Variants in PLEKHG4B observed in about 807,000 individuals in gnomAD.
PLEKHG4B encodes the protein pleckstrin homology domain-containing family G member 4B.
PLEKHG4B carries 111 observed loss-of-function variants against 121.3 expected under a neutral mutation model. That is an observed-to-expected ratio of 0.92 (90% CI 0.78 to 1.07). The LOEUF (loss-of-function observed/expected upper bound fraction) is 1.07. PLEKHG4B is among the 50% of genes least tolerant of loss of function. The pLI is 0.00. For missense variants in PLEKHG4B, 1,831 were observed against 1,757.8 expected, an observed-to-expected ratio of 1.04 and a Z score of -0.74; for synonymous variants, 738 against 725.0, an observed-to-expected ratio of 1.02 and a Z score of -0.29.
rs537791504 is a variant in PLEKHG4B at position 182,533 on chromosome 5, A to C, written c.*210A>C. ...TTTATAATTTTGTCTTATTTAAAAA[A>C]CAAACCTTCCACTTCCACCCAAGAC... On this transcript the variant is annotated 3_prime_UTR_variant, in exon 20 of 20. Coordinates refer to ENST00000637938, the MANE Select transcript of PLEKHG4B (RefSeq NM_052909.5). 1.2e-4 allele frequency: 69 copies of C among 585,756 alleles called. No homozygotes were observed. In the Middle Eastern group the frequency reaches 1.4e-3, roughly 12 times the overall value. The allele number at this position is 585,756 out of a possible 1,614,324, so 36.3% of individuals were successfully genotyped here.
At chr5:129,252 C>T (rs1321575647) in intron 2 of PLEKHG4B, among the ~76,000 whole-genome samples, 4 of 152,216 alleles carry the variant, frequency 2.6e-5, no homozygotes, top group African/African-American at 7.2e-5. Flanking sequence ...CCATCATTCT[C>T]ACTGAAGCCT....
At chr5:106,399 T>G (rs1401068210) in intron 1 of PLEKHG4B, among the ~76,000 whole-genome samples, 2 of 152,210 alleles carry the variant, frequency 1.3e-5, no homozygotes, top group Non-Finnish European at 2.9e-5. Context: ...ATTAAAATTT[T>G]ACTGTTTAGA....
chr5:121,186 G>A (rs1475518322), intron 2 of PLEKHG4B, among the ~76,000 whole-genome samples: 1 of 151,892 alleles, frequency 6.6e-6, no homozygotes, highest in African/African-American at 2.4e-5. Context: ...GGTGGAGCTT[G>A]CAGTGAGCCG....
chr5:126,080 CTT>C (rs1245538972), intron 2 of PLEKHG4B, among the ~76,000 whole-genome samples: 1 of 152,170 alleles, frequency 6.6e-6, no homozygotes, highest in Non-Finnish European at 1.5e-5. Flanking sequence ...GTGTGGGTCT[CTT>C]TGACTTCCTC....
In PLEKHG4B at chr5:182,130, G is replaced by A. The variant is rs1733425566; in HGVS notation, c.4691G>A (p.Gly1564Glu). Residue 1564 changes from glycine (G) to glutamate (E), a missense_variant, in exon 20 of 20, where the codon GGG becomes GAG. Transcript: ENST00000637938. ...SSSSQSSSIL[G>E]SLGLLVSSSP... is the part of the protein sequence containing the mutation. ...AGCAGCCAGTCCTCCTCCATCCTGGGGTCGCTGGGCCTGCTTGTGTCCTCC... is the reference window on the plus strand; with the variant it reads ...AGCAGCCAGTCCTCCTCCATCCTGGAGTCGCTGGGCCTGCTTGTGTCCTCC... 1 of 1,613,956 alleles carries A rather than the reference G, an allele frequency of 6.2e-7. No homozygotes were observed. The highest frequency in any genetic ancestry group is 8.5e-7 in the Non-Finnish European group (1 of 1,180,046).
chr5:138,658 C>T (rs1473976904), intron 2 of PLEKHG4B, among the ~76,000 whole-genome samples: 1 of 152,170 alleles, frequency 6.6e-6, no homozygotes, highest in Non-Finnish European at 1.5e-5. Flanking sequence ...GGCACCAACA[C>T]CTAAGGCATG....
In PLEKHG4B at chr5:183,895, C is replaced by T. The variant is rs950915278; in HGVS notation, c.*1572C>T. On this transcript the variant is annotated 3_prime_UTR_variant, in exon 20 of 20. Transcript: ENST00000637938. ...ACCATGAGGCACCTTGAAGACACAT[C>T]AGTGGAAACTATTTGCATTTGTTGG... The T allele has an allele frequency of 2.0e-5, 3 of 152,088 alleles. No individual in the cohort carries two copies. The highest frequency in any genetic ancestry group is 4.8e-5 in the African/African-American group (2 of 41,390). 9.4% of individuals were successfully genotyped at this position (152,088 alleles called of 1,614,324 possible).
intron 1 of PLEKHG4B, among the ~76,000 whole-genome samples, chr5:95,057 G>A (rs1733591457): frequency 1.3e-5 from 2 of 152,230 alleles, no homozygotes; most frequent in Admixed American, 1.3e-4. Flanking sequence ...CACTTTTCTG[G>A]GCCGCAGTTC....
In PLEKHG4B at chr5:162,843, G is replaced by T. The variant is rs746370171; in HGVS notation, c.2771G>T (p.Gly924Val). 1 of 1,514,572 alleles carries T rather than the reference G, an allele frequency of 6.6e-7. No homozygotes were observed. The highest frequency in any genetic ancestry group is 2.4e-5 in the East Asian group (1 of 42,112). 93.8% of individuals were successfully genotyped at this position (1,514,572 alleles called of 1,614,324 possible). A position where few individuals can be genotyped will look rare whatever the true frequency, so the allele number is the denominator to read the frequency against. ...SVAAEAFPGA[G>V]VAVLKPHALG... ...GCTGCAGAGGCCTTCCCCGGGGCAG[G>T]TGTGGCAGTGCTGAAGCCTCATGCC... is the stretch of plus-strand genomic sequence containing the variant. The change falls in exon 13 of 20, where the codon GGT (glycine) becomes GTT (valine). Residue 924 changes from glycine (G) to valine (V), a missense_variant. By Grantham distance (109) the Gly-to-Val change is moderately radical. Transcript: ENST00000637938.
intron 1 of PLEKHG4B, among the ~76,000 whole-genome samples, chr5:108,796 G>A (rs1202709823): frequency 6.6e-6 from 1 of 152,024 alleles, no homozygotes; most frequent in Non-Finnish European, 1.5e-5. Context: ...GGCTGGTGTA[G>A]ACAGACCGAC....
In PLEKHG4B at chr5:157,039, G is replaced by A. The variant is rs752765958; in HGVS notation, c.2487+128G>A. 6 of 1,276,552 alleles carry A rather than the reference G, an allele frequency of 4.7e-6. No homozygotes were observed. The South Asian group carries it at 6.4e-5, about 14-fold the overall frequency. The allele number at this position is 1,276,552 out of a possible 1,614,324, so 79.1% of individuals were successfully genotyped here. ...TGATTTCCATTTGGAATGAAATTAT[G>A]TCAGGATAGGGCATGCCTTGCTGCT... On this transcript the variant is annotated intron_variant, in intron 11 of 19. Transcript: ENST00000637938. This position sits in a 1 kb window ranked among gnomAD's most constrained non-coding sequence, Gnocchi z 4.6.
chr5:106,742 G>C (rs1009662602), intron 1 of PLEKHG4B, among the ~76,000 whole-genome samples: 2 of 152,240 alleles, frequency 1.3e-5, no homozygotes, highest in Non-Finnish European at 2.9e-5. Flanking sequence ...CAGGGTGGCT[G>C]CACAGGCAGG....
At position 163,514 on chromosome 5, in the gene PLEKHG4B, C is replaced by A; in HGVS notation, c.3442C>A (p.Pro1148Thr). 1 of 1,609,452 alleles carries A rather than the reference C, an allele frequency of 6.2e-7. No homozygotes were observed. The highest frequency in any genetic ancestry group is 8.5e-7 in the Non-Finnish European group (1 of 1,178,278). ...TCTGTCCTCCCCCTCGGGGCTCCAC[C>A]CTGCTGAGGAGGATGGGAGGCAGCA... is the stretch of plus-strand genomic sequence containing the variant. ...RSLSSPSGLH[P>T]AEEDGRQQVG... Residue 1148 changes from proline to threonine, a missense_variant, in exon 13 of 20, where the codon CCT becomes ACT. Physicochemically the swap from Pro to Thr is conservative, Grantham distance 38. Transcript: ENST00000637938.
intron 14 of PLEKHG4B, among the ~76,000 whole-genome samples, chr5:170,417 C>T (rs1736504155): frequency 6.6e-6 from 1 of 152,142 alleles, no homozygotes; most frequent in African/African-American, 2.4e-5. Context: ...ATTCTCCTGC[C>T]TCAGCCTCTT....
Position 156,626 on chromosome 5 carries a change from G to C in PLEKHG4B, c.2349-147G>C. On this transcript the variant is annotated intron_variant, in intron 10 of 19. Transcript: ENST00000637938. This position sits in a 1 kb window ranked among gnomAD's most constrained non-coding sequence, Gnocchi z 4.4. ...AACGCATGGAGCACATCTGTGCCCC[G>C]CCTCGGTTGTGGGCCTCCTCCTGGG... The C allele has an allele frequency of 1.8e-6, 2 of 1,116,750 alleles. No individual in the cohort carries two copies. Among genetic ancestry groups the C allele is most frequent in the Non-Finnish European group, 2.5e-6 (2 of 797,672 alleles). The allele number at this position is 1,116,750 out of a possible 1,614,324, so 69.2% of individuals were successfully genotyped here. A position where few individuals can be genotyped will look rare whatever the true frequency, so the allele number is the denominator to read the frequency against.
Position 174,056 on chromosome 5 carries a change from G to A in PLEKHG4B, c.4360G>A (p.Val1454Ile), listed in dbSNP as rs201950889. 222 of 1,597,544 alleles carry A rather than the reference G, an allele frequency of 1.4e-4. No individual in the cohort carries two copies. Among genetic ancestry groups the A allele is most frequent in the Non-Finnish European group, 1.9e-4 (219 of 1,172,946 alleles). Reference sequence around the variant, plus strand: ...AGAGGTCAAGAGTGCATGGACCGATGTCATAGGGAGGATCCTGTGGCGGCA... The same window carrying A: ...AGAGGTCAAGAGTGCATGGACCGATATCATAGGGAGGATCCTGTGGCGGCA... ...SAEVKSAWTD[V>I]IGRILWRQAL... Residue 1454 changes from valine to isoleucine, a missense_variant, in exon 18 of 20, where the codon GTC becomes ATC. Coordinates refer to ENST00000637938, the MANE Select transcript of PLEKHG4B (RefSeq NM_052909.5).
chr5:146,011 A>G (rs2126409938), intron 6 of PLEKHG4B, among the ~76,000 whole-genome samples: 1 of 151,844 alleles, frequency 6.6e-6, no homozygotes, highest in East Asian at 1.9e-4. Context: ...TCACCACACC[A>G]TGGAGTCCTC....
chr5:124,983 A>G (rs1191979296), intron 2 of PLEKHG4B, among the ~76,000 whole-genome samples: 3 of 152,154 alleles, frequency 2.0e-5, no homozygotes, highest in Non-Finnish European at 4.4e-5. Context: ...AAATACAAAA[A>G]TTAGCTGGGT....
rs115786085 is a variant in PLEKHG4B, at chr5:147,684, C to T, written c.1905+2764C>T. Among the ~76,000 whole-genome samples the T allele has an allele frequency of 8.2e-3, 1,244 of 152,252 alleles. 21 individuals are homozygous for T. The highest frequency in any genetic ancestry group is 0.028 in the African/African-American group (1,183 of 41,536). Reference sequence around the variant, plus strand: ...AAACTTTTTACAAGCATGTAAGTTCCTTATTGACTTTTTCAAAAGAAATTC... The same window carrying T: ...AAACTTTTTACAAGCATGTAAGTTCTTTATTGACTTTTTCAAAAGAAATTC... On this transcript the variant is annotated intron_variant, in intron 6 of 19. Transcript: ENST00000637938.
Sources: allele counts gnomAD v4.1 joint callset (sites outside exome capture counted in the v4.1 genomes callset), GRCh38; gene constraint gnomAD v4.1.1; non-coding constraint Gnocchi (gnomAD v3.1); transcripts MANE v1.5; gene names NCBI Gene and HGNC (gene_info 2026-07-23, HGNC 2026-07-21).